The following CLSTN2 variants were observed in gnomAD, a reference collection of about 807,000 sequenced individuals.
CLSTN2 encodes the protein calsyntenin-2.
Under a neutral mutation model 101.2 loss-of-function variants are expected in CLSTN2, and 48 were observed. The ratio of observed to expected loss-of-function variants is 0.47; its 90% CI spans 0.38 to 0.60. The LOEUF (loss-of-function observed/expected upper bound fraction) is 0.60, where lower values mean the gene tolerates loss of function less well. Ranked by LOEUF, CLSTN2 falls within the 20% of genes least tolerant of loss-of-function variation. The pLI is 0.00. For synonymous variants in CLSTN2, 481 were observed against 463.6 expected (o/e 1.04, Z -0.48); for missense variants, 1,160 against 1,238.2 (o/e 0.94, Z 0.95).
chr3:140,037,227 T>C (rs2007672046), intron 1 of CLSTN2, among the ~76,000 whole-genome samples: 1 of 152,346 alleles, frequency 6.6e-6, no homozygotes, highest in Middle Eastern at 3.4e-3. Context: ...CAACCCTTTA[T>C]GTACCTATTA....
At chr3:140,202,192 A>G (rs2010725865) in intron 2 of CLSTN2, among the ~76,000 whole-genome samples, 1 of 152,216 alleles carries the variant, frequency 6.6e-6, no homozygotes, top group African/African-American at 2.4e-5. Flanking sequence ...TCTGACTTAC[A>G]TTGTGATAGG....
At chr3:139,989,783 C>T (rs1174596780) in intron 1 of CLSTN2, among the ~76,000 whole-genome samples, 1 of 152,176 alleles carries the variant, frequency 6.6e-6, no homozygotes, top group Admixed American at 6.5e-5. Context: ...GAGGCTTTTC[C>T]CACCACCCGG....
intron 2 of CLSTN2, among the ~76,000 whole-genome samples, chr3:140,212,219 G>T (rs1048375101): frequency 1.3e-5 from 2 of 152,140 alleles, no homozygotes; most frequent in Non-Finnish European, 2.9e-5. Flanking sequence ...GGTGCATTAT[G>T]TTTATAATTT....
intron 1 of CLSTN2, among the ~76,000 whole-genome samples, chr3:140,023,514 C>T (rs1453460440): frequency 6.6e-6 from 1 of 152,158 alleles, no homozygotes. Flanking sequence ...CACAGGAACG[C>T]ACTTTCCTTG....
intron 5 of CLSTN2, among the ~76,000 whole-genome samples, chr3:140,427,241 AT>A (rs2088581965): frequency 7.5e-6 from 1 of 133,110 alleles, no homozygotes; most frequent in African/African-American, 3.4e-5. Flanking sequence ...ATATATATAT[AT>A]ATACATATAT....
intron 2 of CLSTN2, among the ~76,000 whole-genome samples, chr3:140,291,400 C>G (rs1531637): frequency 0.41 from 62,572 of 151,586 alleles, 13,899 homozygotes; most frequent in Non-Finnish European, 0.5. Flanking sequence ...CCCCTCCCCC[C>G]CCAACTTTCT....
chr3:140,294,372 A>G (rs1322605023), intron 2 of CLSTN2, among the ~76,000 whole-genome samples: 3 of 152,212 alleles, frequency 2.0e-5, no homozygotes, highest in African/African-American at 4.8e-5. Context: ...TACTCATGCT[A>G]CATGCCTACA....
chr3:140,315,147 C>T (rs1034881223), intron 2 of CLSTN2, among the ~76,000 whole-genome samples: 6 of 152,318 alleles, frequency 3.9e-5, no homozygotes, highest in South Asian at 2.1e-4. Flanking sequence ...CACCCACATC[C>T]GTGGATCCTG....
intron 1 of CLSTN2, among the ~76,000 whole-genome samples, chr3:140,100,533 A>T (rs1181449220): frequency 1.3e-5 from 2 of 152,238 alleles, no homozygotes; most frequent in African/African-American, 4.8e-5. Context: ...GATTCCCTTA[A>T]GTTCTCTTCA....
intron 14 of CLSTN2, 44 bp from the exon 15 acceptor site, chr3:140,563,036 C>A: frequency 6.2e-7 from 1 of 1,612,118 alleles, no homozygotes; most frequent in Non-Finnish European, 8.5e-7. Context: ...AACTGGCCCA[C>A]CTGCCACTCC....
intron 5 of CLSTN2, among the ~76,000 whole-genome samples, chr3:140,439,361 A>G (rs1401657395): frequency 6.6e-6 from 1 of 152,210 alleles, no homozygotes; most frequent in Non-Finnish European, 1.5e-5. Flanking sequence ...CCCAGTTGCT[A>G]CCAGAATAAG....
At chr3:140,005,205 C>T (rs1028911160) in intron 1 of CLSTN2, among the ~76,000 whole-genome samples, 7 of 152,172 alleles carry the variant, frequency 4.6e-5, no homozygotes, top group South Asian at 2.1e-4. Context: ...GTCCATGAAC[C>T]CTTGGCCACT....
At chr3:140,477,760 G>A (rs1407295724) in intron 8 of CLSTN2, among the ~76,000 whole-genome samples, 1 of 152,326 alleles carries the variant, frequency 6.6e-6, no homozygotes, top group Middle Eastern at 3.4e-3. Context: ...TATCCACCAA[G>A]TCTTCACTAT....
chr3:140,205,625 A>ACCC (rs1559806104), intron 2 of CLSTN2, among the ~76,000 whole-genome samples: 4 of 71,324 alleles, frequency 5.6e-5, no homozygotes, highest in African/African-American at 1.5e-4. Context: ...CCCGCCCCCC[A>ACCC]CCCACACACA....
chr3:140,348,243 T>G (rs1437789212), intron 2 of CLSTN2, among the ~76,000 whole-genome samples: 1 of 152,194 alleles, frequency 6.6e-6, no homozygotes, highest in Non-Finnish European at 1.5e-5. Context: ...TGCAGTCTAG[T>G]CCCATAAGCT....
At chr3:140,397,641 A>G (rs1297024107) in intron 2 of CLSTN2, among the ~76,000 whole-genome samples, 1 of 152,210 alleles carries the variant, frequency 6.6e-6, no homozygotes, top group African/African-American at 2.4e-5. Context: ...TGAAGAGGAC[A>G]GGGATCTCTC....
chr3:140,183,942 A>T (rs546234197), intron 2 of CLSTN2, among the ~76,000 whole-genome samples: 1 of 152,358 alleles, frequency 6.6e-6, no homozygotes, highest in South Asian at 2.1e-4. Context: ...ATTGCTGTGC[A>T]ACAACCACCC....
chr3:140,290,053 A>G (rs979952544), intron 2 of CLSTN2, among the ~76,000 whole-genome samples: 1 of 151,392 alleles, frequency 6.6e-6, no homozygotes, highest in Non-Finnish European at 1.5e-5. Context: ...TGTAAAAGGT[A>G]GAGAAATAAG....
At chr3:140,137,541 C>T (rs1363759662) in intron 1 of CLSTN2, among the ~76,000 whole-genome samples, 1 of 152,156 alleles carries the variant, frequency 6.6e-6, no homozygotes, top group Non-Finnish European at 1.5e-5. Context: ...TCCTAGACCC[C>T]AAGCTCTTGA....
Sources: allele counts gnomAD v4.1 joint callset (sites outside exome capture counted in the v4.1 genomes callset), GRCh38; gene constraint gnomAD v4.1.1; transcripts MANE v1.5; gene names NCBI Gene and HGNC (gene_info 2026-07-23, HGNC 2026-07-21).